Variants in SLC4A10 observed in about 807,000 individuals in gnomAD.
SLC4A10 encodes the protein sodium-driven chloride bicarbonate exchanger.
A neutral mutation model predicts 137.7 loss-of-function variants in SLC4A10; 42 were observed. The observed-to-expected ratio is 0.30, with a 90% CI of 0.24 to 0.39. SLC4A10 has a LOEUF of 0.39. Ranked by LOEUF, SLC4A10 falls within the 10% of genes least tolerant of loss-of-function variation. The pLI, the probability that SLC4A10 is intolerant of heterozygous loss-of-function variation, is 1.00. For synonymous variants in SLC4A10, 474 were observed against 464.1 expected (o/e 1.02, Z -0.27); for missense variants, 925 against 1,355.0 (o/e 0.68, Z 4.98).
At chr2:161,792,317 C>T (rs1250813756) in intron 2 of SLC4A10, among the ~76,000 whole-genome samples, 1 of 151,994 alleles carries the variant, frequency 6.6e-6, no homozygotes, top group Non-Finnish European at 1.5e-5. Context: ...GGAAATTGTT[C>T]CTTTAATCAT....
chr2:161,641,154 A>G (rs1218805303), intron 1 of SLC4A10, among the ~76,000 whole-genome samples: 1 of 152,146 alleles, frequency 6.6e-6, no homozygotes, highest in Non-Finnish European at 1.5e-5. Flanking sequence ...AAGGTATTTC[A>G]GTGTCTTATC....
At chr2:161,644,231 T>G (rs1574064715) in intron 1 of SLC4A10, among the ~76,000 whole-genome samples, 1 of 152,154 alleles carries the variant, frequency 6.6e-6, no homozygotes, top group African/African-American at 2.4e-5. Context: ...GCATAGTTGC[T>G]CACACCTGTA....
chr2:161,643,018 G>A (rs1188145563), intron 1 of SLC4A10, among the ~76,000 whole-genome samples: 2 of 151,866 alleles, frequency 1.3e-5, no homozygotes, highest in Non-Finnish European at 1.5e-5. Context: ...ATTTATTTTT[G>A]TGGATCCATA....
chr2:161,839,568 T>C (rs2059046776), intron 3 of SLC4A10, among the ~76,000 whole-genome samples: 1 of 152,046 alleles, frequency 6.6e-6, no homozygotes, highest in South Asian at 2.1e-4. Flanking sequence ...TATATACATT[T>C]TACATATTTA....
At chr2:161,845,780 CA>C (rs1316688080) in intron 4 of SLC4A10, among the ~76,000 whole-genome samples, 2 of 151,696 alleles carry the variant, frequency 1.3e-5, no homozygotes, top group East Asian at 3.8e-4. Context: ...CACCTACAGG[CA>C]AAAAATTAGC....
rs57316531 is a variant in SLC4A10, at chr2:161,931,047, C to T, written c.1998-11745C>T. ...CCCAGTTCAAACAATTCTCCTGCCT[C>T]GGCCTCCTGAGTAGCTGGGATTACA... On this transcript the variant is annotated intron_variant, in intron 15 of 26. Coordinates refer to ENST00000446997, the MANE Select transcript of SLC4A10 (RefSeq NM_001178015.2). 2.0e-3 allele frequency among the ~76,000 whole-genome samples: 301 copies of T among 152,282 alleles called. 1 individual carries two copies. The highest frequency in any genetic ancestry group is 6.5e-3 in the African/African-American group (269 of 41,552).
rs1700494956 is a variant in SLC4A10, at chr2:161,983,475, T to C, written c.*323T>C. On this transcript the variant is annotated 3_prime_UTR_variant, in exon 27 of 27. Transcript: ENST00000446997. Reference sequence around the variant, plus strand: ...AATCTGTGTGTTCCTTGCTGTACGTTAGACATTTGTAAACTGGATTCTGAT... The same window carrying C: ...AATCTGTGTGTTCCTTGCTGTACGTCAGACATTTGTAAACTGGATTCTGAT... 1 of 454,382 alleles carries C rather than the reference T, an allele frequency of 2.2e-6. No individual in the cohort carries two copies. The allele number at this position is 454,382 out of a possible 1,614,324, so 28.1% of individuals were successfully genotyped here. A position where few individuals can be genotyped will look rare whatever the true frequency, so the allele number is the denominator to read the frequency against.
chr2:161,818,471 C>T (rs2057319512), intron 3 of SLC4A10, among the ~76,000 whole-genome samples: 1 of 152,130 alleles, frequency 6.6e-6, no homozygotes, highest in South Asian at 2.1e-4. Context: ...CCCTTTATTT[C>T]CTTCTCCTGC....
In SLC4A10 at chr2:161,983,192, A is replaced by T. The variant is rs1237513384; in HGVS notation, c.*40A>T. 7.2e-6 allele frequency: 11 copies of T among 1,536,654 alleles called. No homozygotes were observed. The highest frequency in any genetic ancestry group is 9.6e-6 in the Non-Finnish European group (11 of 1,147,042). On this transcript the variant is annotated 3_prime_UTR_variant, in exon 27 of 27. Transcript: ENST00000446997. ...TTCCTTCTGTAGCATTGAAAGCCGA[A>T]AAGAGAAGAAAGCTGACTCAGGGAA...
At chr2:161,870,573 A>G (rs1024706319) in intron 6 of SLC4A10, among the ~76,000 whole-genome samples, 4 of 151,900 alleles carry the variant, frequency 2.6e-5, no homozygotes, top group Non-Finnish European at 1.5e-5. Context: ...TCATTAAAAT[A>G]TGGAGAAATG....
chr2:161,869,663 C>T (rs952213364), intron 6 of SLC4A10, among the ~76,000 whole-genome samples: 1 of 151,556 alleles, frequency 6.6e-6, no homozygotes, highest in Non-Finnish European at 1.5e-5. Context: ...TGAGGATATA[C>T]ACATTTAATG....
At chr2:161,627,269 G>A (rs1281552459) in intron 1 of SLC4A10, among the ~76,000 whole-genome samples, 1 of 152,072 alleles carries the variant, frequency 6.6e-6, no homozygotes, top group Non-Finnish European at 1.5e-5. Flanking sequence ...TTTCTACCAA[G>A]AAGGAAAAAT....
intron 9 of SLC4A10, among the ~76,000 whole-genome samples, chr2:161,880,471 A>G (rs1342451541): frequency 6.6e-6 from 1 of 152,146 alleles, no homozygotes; most frequent in East Asian, 1.9e-4. Flanking sequence ...TTCAGTGGTT[A>G]AGTACCTATG....
intron 18 of SLC4A10, 114 bp downstream of exon 18, chr2:161,949,375 A>G: frequency 1.6e-6 from 1 of 632,434 alleles, no homozygotes; most frequent in Non-Finnish European, 2.7e-6. Context: ...TTTAGATTAG[A>G]AGACCAGTAA....
At chr2:161,873,779 T>C (rs993736092) in intron 7 of SLC4A10, 137 bp from the exon 8 acceptor site, 4 of 798,700 alleles carry the variant, frequency 5.0e-6, no homozygotes, top group African/African-American at 1.7e-5. Flanking sequence ...GATCAGCTCC[T>C]TGGACCTGTT....
chr2:161,642,533 T>C (rs1349837239), intron 1 of SLC4A10, among the ~76,000 whole-genome samples: 1 of 152,022 alleles, frequency 6.6e-6, no homozygotes, highest in African/African-American at 2.4e-5. Flanking sequence ...CAAAATGCAA[T>C]TGAAATTTAG....
At chr2:161,731,351 GA>G (rs1411414900) in intron 1 of SLC4A10, among the ~76,000 whole-genome samples, 1 of 152,042 alleles carries the variant, frequency 6.6e-6, no homozygotes, top group African/African-American at 2.4e-5. Context: ...GTCATGTTTA[GA>G]GGAAAATTTA....
At chr2:161,710,529 A>G in intron 1 of SLC4A10, 2 of 209,114 alleles carry the variant, frequency 9.6e-6, no homozygotes, top group East Asian at 2.2e-4. Context: ...ATTTTTCTCT[A>G]TTACTATTTC....
intron 1 of SLC4A10, among the ~76,000 whole-genome samples, chr2:161,671,798 T>C (rs2039757803): frequency 6.6e-6 from 1 of 152,234 alleles, no homozygotes; most frequent in Non-Finnish European, 1.5e-5. Context: ...GTTATAGTGC[T>C]AGGTACTAGA....
Sources: gnomAD v4.1 joint callset for allele counts (sites outside exome capture counted in the v4.1 genomes callset) on GRCh38, gnomAD v4.1.1 for gene constraint, MANE v1.5 for transcripts, NCBI Gene and HGNC (gene_info 2026-07-23, HGNC 2026-07-21) for gene names.